Variants in XIRP2 observed in about 807,000 individuals in gnomAD.
XIRP2 encodes xin actin-binding repeat-containing protein 2.
Under a neutral mutation model 277.0 loss-of-function variants are expected in XIRP2, and 236 were observed. That is an observed-to-expected ratio of 0.85 (90% confidence interval 0.77 to 0.95). XIRP2 has a LOEUF of 0.95. Among genes scored for constraint, XIRP2 ranks in the 40% least tolerant of loss-of-function variants. The pLI is 0.00. For missense variants in XIRP2, 4,640 were observed against 4,157.5 expected, an observed-to-expected ratio of 1.12 and a Z score of -3.19; for synonymous variants, 1,490 against 1,416.5, an observed-to-expected ratio of 1.05 and a Z score of -1.17.
intron 2 of XIRP2, among the ~76,000 whole-genome samples, chr2:166,956,390 AGTT>A (rs1686161633): frequency 6.6e-6 from 1 of 151,798 alleles, no homozygotes; most frequent in African/African-American, 2.4e-5. Context: ...CATTTAACTA[AGTT>A]GTGGTAATTA....
chr2:167,093,821 G>A lies in XIRP2; in HGVS notation c.409-42088G>A, dbSNP rs375283500. 1.6e-4 allele frequency among the ~76,000 whole-genome samples: 25 copies of A among 152,168 alleles called. No individual in the cohort carries two copies. The East Asian group carries it at 4.3e-3, about 26-fold the overall frequency. On this transcript the variant is annotated intron_variant, in intron 2 of 10. Coordinates refer to ENST00000409195, the MANE Select transcript of XIRP2 (RefSeq NM_152381.6). ...TAGTAGAATGATTTATAATCCTTTG[G>A]GTATATACCCAGTAATGGGATTGCT...
At chr2:166,981,059 T>G (rs1389737345) in intron 2 of XIRP2, among the ~76,000 whole-genome samples, 1 of 152,140 alleles carries the variant, frequency 6.6e-6, no homozygotes, top group Non-Finnish European at 1.5e-5. Flanking sequence ...CTTGAACACT[T>G]GTATTTGCAG....
intron 4 of XIRP2, among the ~76,000 whole-genome samples, chr2:167,212,585 T>A (rs993577926): frequency 6.6e-6 from 1 of 152,288 alleles, no homozygotes; most frequent in African/African-American, 2.4e-5. Context: ...CTGCAAATTT[T>A]ATAGACAAGA....
chr2:166,906,403 A>G (rs1684526091), intron 2 of XIRP2, among the ~76,000 whole-genome samples: 1 of 152,092 alleles, frequency 6.6e-6, no homozygotes. Flanking sequence ...ATGTATACAT[A>G]CATGCATATA....
intron 2 of XIRP2, among the ~76,000 whole-genome samples, chr2:166,934,225 G>GTC (rs951192911): frequency 4.0e-5 from 6 of 150,110 alleles, no homozygotes; most frequent in Admixed American, 1.3e-4. Context: ...CAAAACTAGG[G>GTC]TCTCTCTCTC....
At chr2:166,891,142 G>A (rs567777066) in intron 1 of XIRP2, among the ~76,000 whole-genome samples, 2 of 152,240 alleles carry the variant, frequency 1.3e-5, no homozygotes, top group East Asian at 1.9e-4. Flanking sequence ...TAATGGATAC[G>A]TGACTGTGGT....
intron 3 of XIRP2, among the ~76,000 whole-genome samples, chr2:167,162,931 T>C (rs1465475418): frequency 2.0e-5 from 3 of 152,160 alleles, no homozygotes; most frequent in African/African-American, 7.2e-5. Context: ...CTGTACTCTT[T>C]TGCTTTCTTC....
intron 3 of XIRP2, among the ~76,000 whole-genome samples, chr2:167,190,609 C>T (rs1057167810): frequency 6.6e-6 from 1 of 152,116 alleles, no homozygotes; most frequent in African/African-American, 2.4e-5. Context: ...TGGAATCCAC[C>T]TCTTACAAAT....
chr2:167,083,562 C>T (rs1689814775), intron 2 of XIRP2, among the ~76,000 whole-genome samples: 1 of 152,278 alleles, frequency 6.6e-6, no homozygotes, highest in African/African-American at 2.4e-5. Context: ...GATATTGATT[C>T]TTCCTACCCA....
intron 2 of XIRP2, among the ~76,000 whole-genome samples, chr2:166,996,688 AT>A (rs1180570705): frequency 2.0e-5 from 3 of 152,138 alleles, no homozygotes; most frequent in Non-Finnish European, 1.5e-5. Context: ...ATGTTTCAGA[AT>A]TCTATATATC....
chr2:167,093,456 C>G (rs536667646), intron 2 of XIRP2, among the ~76,000 whole-genome samples: 1 of 151,982 alleles, frequency 6.6e-6, no homozygotes, highest in African/African-American at 2.4e-5. Context: ...TCCTAATGCT[C>G]TCCCTCCCTT....
intron 5 of XIRP2, among the ~76,000 whole-genome samples, chr2:167,221,677 T>C (rs1694437541): frequency 6.6e-6 from 1 of 152,116 alleles, no homozygotes; most frequent in Non-Finnish European, 1.5e-5. Flanking sequence ...TTGGACAAGA[T>C]GTTTGCTGGT....
intron 2 of XIRP2, among the ~76,000 whole-genome samples, chr2:166,939,581 G>T (rs1161332493): frequency 6.6e-6 from 1 of 151,196 alleles, no homozygotes; most frequent in African/African-American, 2.4e-5. Context: ...TCGGGAGGCT[G>T]GGGCAGGAGA....
intron 2 of XIRP2, among the ~76,000 whole-genome samples, chr2:166,915,813 G>A (rs1158153256): frequency 6.6e-6 from 1 of 152,074 alleles, no homozygotes; most frequent in Non-Finnish European, 1.5e-5. Context: ...ATATAATCAG[G>A]TTGAGTTTAC....
intron 2 of XIRP2, among the ~76,000 whole-genome samples, chr2:167,098,321 C>G (rs1690378925): frequency 6.6e-6 from 1 of 152,170 alleles, no homozygotes; most frequent in African/African-American, 2.4e-5. Context: ...GATATCGTTT[C>G]CTCCACTTGA....
chr2:167,204,679 A>G (rs867024874), intron 3 of XIRP2, among the ~76,000 whole-genome samples: 3 of 152,222 alleles, frequency 2.0e-5, no homozygotes, highest in Admixed American at 6.6e-5. Context: ...TCACTTGTAA[A>G]TCATTCTTTG....
chr2:167,254,529 T>C (rs149817294), intron 10 of XIRP2, among the ~76,000 whole-genome samples: 486 of 152,012 alleles, frequency 3.2e-3, no homozygotes, highest in African/African-American at 0.011. Flanking sequence ...TAAGTAATTT[T>C]GGCTTTGCAG....
At chr2:167,045,239 A>G (rs1438335432) in intron 2 of XIRP2, among the ~76,000 whole-genome samples, 1 of 152,082 alleles carries the variant, frequency 6.6e-6, no homozygotes, top group Non-Finnish European at 1.5e-5. Flanking sequence ...TTCACCATAC[A>G]GAAAAATTAA....
chr2:167,063,836 T>A (rs1042161846), intron 2 of XIRP2, among the ~76,000 whole-genome samples: 7 of 151,840 alleles, frequency 4.6e-5, no homozygotes, highest in African/African-American at 1.4e-4. Flanking sequence ...GTTTCTTTTT[T>A]AAACAATATA....
Sources: gnomAD v4.1 joint callset for allele counts (sites outside exome capture counted in the v4.1 genomes callset) on GRCh38, gnomAD v4.1.1 for gene constraint, MANE v1.5 for transcripts, NCBI Gene and HGNC (gene_info 2026-07-23, HGNC 2026-07-21) for gene names.